PDZRN4: variants seen among roughly 807,000 people sequenced by gnomAD.
The protein encoded by PDZRN4 is PDZ domain-containing RING finger protein 4.
PDZRN4 carries 70 observed loss-of-function variants against 99.0 expected under a neutral mutation model. The observed-to-expected ratio is 0.71, with a 90% CI of 0.58 to 0.86. PDZRN4 has a LOEUF of 0.86. Ranked by LOEUF, PDZRN4 falls within the 40% of genes least tolerant of loss-of-function variation. The pLI is 0.00. For missense variants in PDZRN4, 1,474 were observed against 1,331.2 expected (o/e 1.11, Z -1.67); for synonymous variants, 551 against 501.6 (o/e 1.10, Z -1.32).
chr12:41,447,573 G>A (rs539461099), intron 3 of PDZRN4, among the ~76,000 whole-genome samples: 1 of 152,158 alleles, frequency 6.6e-6, no homozygotes, highest in East Asian at 1.9e-4. Flanking sequence ...CGTTTAAAGG[G>A]TATAACACAT....
chr12:41,208,198 A>T (rs189873708), intron 3 of PDZRN4, among the ~76,000 whole-genome samples: 1 of 152,052 alleles, frequency 6.6e-6, no homozygotes, highest in African/African-American at 2.4e-5. Context: ...TCTATTGGAA[A>T]TATCTGACGT....
chr12:41,197,227 G>C (rs1950779286), intron 3 of PDZRN4, among the ~76,000 whole-genome samples: 1 of 151,900 alleles, frequency 6.6e-6, no homozygotes, highest in South Asian at 2.1e-4. Flanking sequence ...CATGTTAAAG[G>C]TTTTGTTCTG....
At chr12:41,429,849 T>C (rs1952571065) in intron 3 of PDZRN4, among the ~76,000 whole-genome samples, 1 of 150,530 alleles carries the variant, frequency 6.6e-6, no homozygotes, top group Non-Finnish European at 1.5e-5. Flanking sequence ...TACTATTCAA[T>C]AAATACTGGT....
At chr12:41,247,082 A>G (rs923073140) in intron 3 of PDZRN4, among the ~76,000 whole-genome samples, 2 of 152,128 alleles carry the variant, frequency 1.3e-5, no homozygotes, top group African/African-American at 4.8e-5. Flanking sequence ...AGGCACTATG[A>G]GGACTATAAT....
chr12:41,428,159 T>C lies in PDZRN4; in HGVS notation c.844-78297T>C, dbSNP rs189658742. Among the ~76,000 whole-genome samples, 13 of 152,262 alleles carry C rather than the reference T, an allele frequency of 8.5e-5. No individual in the cohort carries two copies. The East Asian group carries it at 2.5e-3, about 29-fold the overall frequency. The stretch of plus-strand genomic sequence containing the variant: ...TATCCCACTACCTGCCTACTTTTTT[T>C]GATTTATCTGTACTTGGTTATATAT... On this transcript the variant is annotated intron_variant, in intron 3 of 9. Transcript: ENST00000402685.
chr12:41,447,778 A>G (rs982437437), intron 3 of PDZRN4, among the ~76,000 whole-genome samples: 2 of 152,098 alleles, frequency 1.3e-5, no homozygotes, highest in African/African-American at 4.8e-5. Context: ...ATGTTAGAGT[A>G]CATGTTCATT....
intron 3 of PDZRN4, among the ~76,000 whole-genome samples, chr12:41,464,978 C>T (rs1266548829): frequency 2.0e-5 from 3 of 151,980 alleles, no homozygotes; most frequent in African/African-American, 7.2e-5. Context: ...GTGCCTGTCA[C>T]CACGCCTGGC....
intron 3 of PDZRN4, among the ~76,000 whole-genome samples, chr12:41,218,672 G>A (rs895191349): frequency 5.3e-5 from 8 of 151,866 alleles, no homozygotes; most frequent in Admixed American, 1.3e-4. Context: ...AATATAAAAC[G>A]AACTGTTAAA....
intron 3 of PDZRN4, among the ~76,000 whole-genome samples, chr12:41,435,488 T>TA (rs1389737592): frequency 6.6e-6 from 1 of 152,130 alleles, no homozygotes; most frequent in Non-Finnish European, 1.5e-5. Flanking sequence ...ATCTGACTTT[T>TA]AAAAAAATAC....
intron 3 of PDZRN4, among the ~76,000 whole-genome samples, chr12:41,218,539 A>T (rs1163404520): frequency 6.6e-6 from 1 of 152,110 alleles, no homozygotes; most frequent in Non-Finnish European, 1.5e-5. Flanking sequence ...TTATATAAAA[A>T]TTTTATCATA....
intron 3 of PDZRN4, among the ~76,000 whole-genome samples, chr12:41,229,178 G>A (rs537120979): frequency 6.6e-6 from 1 of 150,692 alleles, no homozygotes; most frequent in Non-Finnish European, 1.5e-5. Context: ...GATCTGTCTC[G>A]GGTTATCAGT....
At chr12:41,254,475 T>G (rs917406039) in intron 3 of PDZRN4, among the ~76,000 whole-genome samples, 3 of 152,224 alleles carry the variant, frequency 2.0e-5, no homozygotes, top group Non-Finnish European at 4.4e-5. Flanking sequence ...AATAATAGTT[T>G]CTTATATAAT....
chr12:41,548,005 A>T lies in PDZRN4; in HGVS notation c.1204-4651A>T, dbSNP rs188147849. Among the ~76,000 whole-genome samples the T allele has an allele frequency of 2.0e-5, 3 of 152,362 alleles. No homozygotes were observed. The East Asian group carries it at 5.8e-4, about 29-fold the overall frequency. On this transcript the variant is annotated intron_variant, in intron 5 of 9. Coordinates refer to ENST00000402685, the MANE Select transcript of PDZRN4 (RefSeq NM_001164595.2). The stretch of plus-strand genomic sequence containing the variant: ...ATATTTCAGAAGACCATTGAAAAAG[A>T]AGTAGTCAAATAAACAGGCGGGGTT...
intron 3 of PDZRN4, among the ~76,000 whole-genome samples, chr12:41,379,738 C>G (rs1952109385): frequency 6.6e-6 from 1 of 151,538 alleles, no homozygotes; most frequent in Non-Finnish European, 1.5e-5. Flanking sequence ...AGTCTTCTTG[C>G]AATTATTAAG....
At chr12:41,451,865 CT>C (rs1376569658) in intron 3 of PDZRN4, among the ~76,000 whole-genome samples, 1 of 152,114 alleles carries the variant, frequency 6.6e-6, no homozygotes, top group Non-Finnish European at 1.5e-5. Context: ...TCATTCTCAT[CT>C]TCTACTACAA....
intron 5 of PDZRN4, among the ~76,000 whole-genome samples, chr12:41,538,809 A>T (rs1340841530): frequency 6.6e-6 from 1 of 152,114 alleles, no homozygotes; most frequent in Non-Finnish European, 1.5e-5. Flanking sequence ...CATTATACAA[A>T]CATACAATTA....
intron 3 of PDZRN4, among the ~76,000 whole-genome samples, chr12:41,232,851 A>G (rs988650574): frequency 6.6e-6 from 1 of 152,102 alleles, no homozygotes; most frequent in Non-Finnish European, 1.5e-5. Flanking sequence ...TTTCGTATAA[A>G]GTGTAAGGAA....
chr12:41,255,372 A>G (rs1386812478), intron 3 of PDZRN4, among the ~76,000 whole-genome samples: 22 of 152,184 alleles, frequency 1.4e-4, no homozygotes, highest in Non-Finnish European at 4.4e-5. Flanking sequence ...GGGGCTGTTC[A>G]TGGCCTGCTG....
intron 3 of PDZRN4, among the ~76,000 whole-genome samples, chr12:41,233,446 C>T (rs1382817088): frequency 6.6e-6 from 1 of 152,020 alleles, no homozygotes; most frequent in East Asian, 1.9e-4. Flanking sequence ...GGGTATATAC[C>T]CAAAGGATTA....
Sources: gnomAD v4.1 joint callset for allele counts (sites outside exome capture counted in the v4.1 genomes callset) on GRCh38, gnomAD v4.1.1 for gene constraint, MANE v1.5 for transcripts, NCBI Gene and HGNC (gene_info 2026-07-23, HGNC 2026-07-21) for gene names.